The following ATAD2 variants were observed in gnomAD, a reference collection of about 807,000 sequenced individuals.
ATAD2 encodes the protein ATPase family AAA domain-containing protein 2.
In ATAD2, 62 loss-of-function variants were observed where a neutral mutation model predicts 168.9. The observed-to-expected ratio is 0.37, with a 90% CI of 0.30 to 0.45. ATAD2 has a LOEUF of 0.45. Ranked by LOEUF, ATAD2 falls within the 20% of genes least tolerant of loss-of-function variation. ATAD2 has a pLI of 1.00. For missense variants in ATAD2, 1,419 were observed against 1,667.8 expected, an observed-to-expected ratio of 0.85 and a Z score of 2.60; for synonymous variants, 613 against 571.6, an observed-to-expected ratio of 1.07 and a Z score of -1.03.
chr8:123,378,573 G>A (rs752893983), intron 2 of ATAD2, among the ~76,000 whole-genome samples: 52 of 151,712 alleles, frequency 3.4e-4, no homozygotes, highest in Non-Finnish European at 7.4e-4. Context: ...ATGGTGGTGC[G>A]TGCCTGTAAT....
At chr8:123,340,060 T>G (rs186693387) in intron 19 of ATAD2, among the ~76,000 whole-genome samples, 3 of 152,134 alleles carry the variant, frequency 2.0e-5, no homozygotes, top group Non-Finnish European at 2.9e-5. Context: ...CAGCTAATTT[T>G]TAAACTTTTT....
At chr8:123,353,245 T>C (rs1460293300) in intron 13 of ATAD2, among the ~76,000 whole-genome samples, 3 of 151,798 alleles carry the variant, frequency 2.0e-5, no homozygotes, top group African/African-American at 7.3e-5. Flanking sequence ...ATGCCTGTAA[T>C]CCCAGCTACT....
intron 1 of ATAD2, among the ~76,000 whole-genome samples, chr8:123,381,751 A>G (rs1411449359): frequency 6.6e-6 from 1 of 152,106 alleles, no homozygotes. Context: ...ACAAACAAAA[A>G]AAGATAGGGC....
intron 2 of ATAD2, among the ~76,000 whole-genome samples, chr8:123,375,253 T>C (rs1829271342): frequency 6.6e-6 from 1 of 152,120 alleles, no homozygotes; most frequent in Non-Finnish European, 1.5e-5. Flanking sequence ...ACAGAAGACA[T>C]ACAAATGGCC....
chr8:123,396,811 C>G (rs1812868819), upstream of ATAD2, among the ~76,000 whole-genome samples: 1 of 152,146 alleles, frequency 6.6e-6, no homozygotes, highest in South Asian at 2.1e-4. Context: ...TCCTCCCCAC[C>G]CCTGTTGACA....
intron 19 of ATAD2, among the ~76,000 whole-genome samples, chr8:123,343,430 G>A (rs768349317): frequency 1.3e-5 from 2 of 152,080 alleles, no homozygotes; most frequent in Middle Eastern, 3.2e-3. Flanking sequence ...TAAAATGTTA[G>A]CCCTACATGT....
rs139189722 is a variant in ATAD2, at chr8:123,338,841, T to A, written c.2854+470A>T. Reference sequence around the variant, plus strand: ...TGAGCCCAGGAGGTTGAGGCTGCAGTTGAGCCTCGATCATGCCACTTCACT... The same window carrying A: ...TGAGCCCAGGAGGTTGAGGCTGCAGATGAGCCTCGATCATGCCACTTCACT... On this transcript the variant is annotated intron_variant, in intron 20 of 27. Coordinates refer to ENST00000287394, the MANE Select transcript of ATAD2 (RefSeq NM_014109.4). 1.5e-4 allele frequency among the ~76,000 whole-genome samples: 23 copies of A among 152,188 alleles called. No individual in the cohort carries two copies. In the East Asian group the frequency reaches 4.4e-3, roughly 29 times the overall value.
chr8:123,347,125 C>A lies in ATAD2; in HGVS notation c.2179G>T (p.Ala727Ser). The A allele has an allele frequency of 6.2e-7, 1 of 1,613,430 alleles. No individual in the cohort carries two copies. The highest frequency in any genetic ancestry group is 8.5e-7 in the Non-Finnish European group (1 of 1,179,598). The change falls in exon 16 of 28, where the codon GCA becomes TCA. Residue 727 changes from alanine to serine, a missense_variant. Transcript: ENST00000287394. Reference protein sequence around the residue: ...LEALQRVFPHAEFRTNKTLDS... With the variant: ...LEALQRVFPHSEFRTNKTLDS... The stretch of plus-strand genomic sequence containing the variant: ...AATGTTTTATTTGTTCTGAATTCTG[C>A]ATGTGGAAATACTCTCTGCAGGGCT...
At chr8:123,382,072 T>C (rs11991144) in intron 1 of ATAD2, among the ~76,000 whole-genome samples, 3,573 of 151,924 alleles carry the variant, frequency 0.024, 145 homozygotes, top group African/African-American at 0.082. Context: ...AAACCAAAGA[T>C]AGAAATCAAA....
intron 8 of ATAD2, among the ~76,000 whole-genome samples, chr8:123,362,073 G>C (rs1262067686): frequency 6.6e-6 from 1 of 152,108 alleles, no homozygotes; most frequent in African/African-American, 2.4e-5. Flanking sequence ...CAACGTAGCG[G>C]GACATTGTCT....
At chr8:123,362,067 G>T (rs1056103554) in intron 8 of ATAD2, among the ~76,000 whole-genome samples, 1 of 152,126 alleles carries the variant, frequency 6.6e-6, no homozygotes, top group African/African-American at 2.4e-5. Context: ...CAAGCACAAC[G>T]TAGCGGGACA....
Position 123,320,978 on chromosome 8 carries a change from T to C in ATAD2, c.*156A>G. ...CTTACACATGACATTTATCTTAATA[T>C]GTACATAAATATCAGGAAAGTTTAA... On this transcript the variant is annotated 3_prime_UTR_variant, in exon 28 of 28. Transcript: ENST00000287394. The C allele has an allele frequency of 1.5e-6, 1 of 650,850 alleles. No individual in the cohort carries two copies. Among genetic ancestry groups the C allele is most frequent in the East Asian group, 3.0e-5 (1 of 32,938 alleles). The allele number at this position is 650,850 out of a possible 1,614,324, so 40.3% of individuals were successfully genotyped here.
chr8:123,355,455 G>C (rs1480008214), intron 13 of ATAD2, among the ~76,000 whole-genome samples: 1 of 152,176 alleles, frequency 6.6e-6, no homozygotes, highest in East Asian at 1.9e-4. Flanking sequence ...TTAGATTCAG[G>C]TTGGGACAAT....
intron 8 of ATAD2, among the ~76,000 whole-genome samples, chr8:123,362,060 G>A (rs1828842289): frequency 1.3e-5 from 2 of 152,270 alleles, no homozygotes; most frequent in South Asian, 2.1e-4. Context: ...AGGTGTTCAA[G>A]CACAACGTAG....
chr8:123,396,436 G>C lies in ATAD2; in HGVS notation c.-79C>G. On this transcript the variant is annotated 5_prime_UTR_variant, in exon 1 of 28. Transcript: ENST00000287394. ...GCGCTCGCAGCTCTGGCTCTTCCGC[G>C]CTCCGAATTCTGGCGCCACAAGCTC... The C allele has an allele frequency of 7.2e-7, 1 of 1,385,262 alleles. No homozygotes were observed. The highest frequency in any genetic ancestry group is 1.5e-5 in the South Asian group (1 of 66,810). 85.8% of individuals were successfully genotyped at this position (1,385,262 alleles called of 1,614,324 possible). A position where few individuals can be genotyped will look rare whatever the true frequency, so the allele number is the denominator to read the frequency against.
chr8:123,357,473 C>A, intron 12 of ATAD2, 89 bp downstream of exon 12: 2 of 1,227,294 alleles, frequency 1.6e-6, no homozygotes, highest in Non-Finnish European at 1.1e-6. Context: ...TTATTTAGAA[C>A]ACTGATTAAA....
At chr8:123,362,442 G>A (rs1456325103) in intron 8 of ATAD2, among the ~76,000 whole-genome samples, 6 of 146,366 alleles carry the variant, frequency 4.1e-5, no homozygotes, top group South Asian at 2.1e-4. Flanking sequence ...ACTTCGTCTC[G>A]CTCTATAGCC....
intron 8 of ATAD2, among the ~76,000 whole-genome samples, chr8:123,364,271 T>C (rs539960769): frequency 6.6e-6 from 1 of 152,236 alleles, no homozygotes; most frequent in East Asian, 1.9e-4. Context: ...TAATAACTAG[T>C]AGAGCTGAGC....
At chr8:123,347,973 A>G (rs181623403) in intron 15 of ATAD2, 1 of 604,702 alleles carries the variant, frequency 1.7e-6, no homozygotes, top group African/African-American at 1.9e-5. Flanking sequence ...TTTAATACCA[A>G]GACTTCATGA....
Sources: gnomAD v4.1 joint callset for allele counts (sites outside exome capture counted in the v4.1 genomes callset) on GRCh38, gnomAD v4.1.1 for gene constraint, MANE v1.5 for transcripts, NCBI Gene and HGNC (gene_info 2026-07-23, HGNC 2026-07-21) for gene names.